Variants in DIPK2A observed in about 807,000 individuals in gnomAD.
The protein encoded by DIPK2A is Golgi Protein of 49 kDa.
A neutral mutation model predicts 39.0 loss-of-function variants in DIPK2A; 27 were observed. The observed-to-expected ratio is 0.69, with a 90% CI of 0.51 to 0.96. DIPK2A has a LOEUF of 0.96. Ranked by LOEUF, DIPK2A falls within the 40% of genes least tolerant of loss-of-function variation. DIPK2A has a pLI of 0.00. For missense variants in DIPK2A, 528 were observed against 571.3 expected, an observed-to-expected ratio of 0.92 and a Z score of 0.77; for synonymous variants, 298 against 240.8, an observed-to-expected ratio of 1.24 and a Z score of -2.20.
At chr3:143,982,911 A>AC (rs1191157004) in intron 1 of DIPK2A, among the ~76,000 whole-genome samples, 5 of 140,380 alleles carry the variant, frequency 3.6e-5, no homozygotes, top group Admixed American at 7.0e-5. Flanking sequence ...AAAAAAACAC[A>AC]AAAAAAACAA....
At chr3:143,986,382 A>C (rs1219086947) in intron 2 of DIPK2A, among the ~76,000 whole-genome samples, 1 of 152,108 alleles carries the variant, frequency 6.6e-6, no homozygotes, top group Non-Finnish European at 1.5e-5. Context: ...CTCTCCATTT[A>C]CTTTTGAGTT....
At chr3:143,985,317 C>A (rs954077371) in intron 1 of DIPK2A, among the ~76,000 whole-genome samples, 1 of 152,186 alleles carries the variant, frequency 6.6e-6, no homozygotes, top group African/African-American at 2.4e-5. Flanking sequence ...CAAGACTTGT[C>A]ATCCTATTTT....
Position 143,992,164 on chromosome 3 carries a change from A to G in DIPK2A, c.*2323A>G, listed in dbSNP as rs1015243595. On this transcript the variant is annotated 3_prime_UTR_variant, in exon 3 of 3. Coordinates refer to ENST00000315691, the MANE Select transcript of DIPK2A (RefSeq NM_173552.5). ...TATTTATTATATGGCAGCAATTTAT[A>G]TTTTTAATCATTGCCCATTAATAGA... 1 of 152,622 alleles carries G rather than the reference A, an allele frequency of 6.6e-6. No homozygotes were observed. The highest frequency in any genetic ancestry group is 2.4e-5 in the African/African-American group (1 of 41,458). The allele number at this position is 152,622 out of a possible 1,614,324, so 9.5% of individuals were successfully genotyped here. A position where few individuals can be genotyped will look rare whatever the true frequency, so the allele number is the denominator to read the frequency against.
rs2087685893 is a variant in DIPK2A, at chr3:143,973,347, A to C, written c.657+358A>C. On this transcript the variant is annotated intron_variant, in intron 1 of 2. Transcript: ENST00000315691. ...TCTGCTTTTATCTGCCGGGGCTTGC[A>C]GGTCCGCGGCGCAGACTGTTCACGA... 29 of 1,543,032 alleles carry C rather than the reference A, an allele frequency of 1.9e-5. No homozygotes were observed. In the South Asian group the frequency reaches 3.0e-4, roughly 16 times the overall value.
chr3:143,976,562 G>C lies in DIPK2A; in HGVS notation c.657+3573G>C, dbSNP rs868706525. Among the ~76,000 whole-genome samples, 3 of 136,330 alleles carry C rather than the reference G, an allele frequency of 2.2e-5. No individual in the cohort carries two copies. In the East Asian group the frequency reaches 6.3e-4, roughly 29 times the overall value. The allele number at this position is 136,330 out of a possible 152,430, so 89.4% of individuals were successfully genotyped here. On this transcript the variant is annotated intron_variant, in intron 1 of 2. Transcript: ENST00000315691. ...TGTGTGTGTGTGTGTGTGTGAGAGA[G>C]AGAGAGAGAGAGAGAGAGAGAGATG... is the stretch of plus-strand genomic sequence containing the variant.
chr3:143,980,269 A>ATGTG (rs989254676), intron 1 of DIPK2A, among the ~76,000 whole-genome samples: 111 of 92,604 alleles, frequency 1.2e-3, no homozygotes, highest in African/African-American at 0.011. Context: ...TTTCTTTCTT[A>ATGTG]TGTGTCTGTC....
In DIPK2A at chr3:143,972,237, C is replaced by G; in HGVS notation, c.-96C>G. On this transcript the variant is annotated 5_prime_UTR_variant, in exon 1 of 3. Transcript: ENST00000315691. Reference sequence around the variant, plus strand: ...CCCAGCCCGCGCGCTAGCTCCTTCTCTCGCCCGGGGTTCCTGCCGGTAGCT... The same window carrying G: ...CCCAGCCCGCGCGCTAGCTCCTTCTGTCGCCCGGGGTTCCTGCCGGTAGCT... The G allele has an allele frequency of 1.7e-6, 2 of 1,192,414 alleles. No homozygotes were observed. Among genetic ancestry groups the G allele is most frequent in the Admixed American group, 7.7e-5 (2 of 25,824 alleles). 73.9% of individuals were successfully genotyped at this position (1,192,414 alleles called of 1,614,324 possible).
At chr3:143,979,501 T>A (rs1017705551) in intron 1 of DIPK2A, among the ~76,000 whole-genome samples, 10 of 152,202 alleles carry the variant, frequency 6.6e-5, no homozygotes, top group African/African-American at 2.4e-4. Flanking sequence ...AGTGTCTTCG[T>A]ATTTTTTCTT....
intron 2 of DIPK2A, among the ~76,000 whole-genome samples, chr3:143,987,686 C>T (rs2087923301): frequency 6.6e-6 from 1 of 152,184 alleles, no homozygotes; most frequent in Non-Finnish European, 1.5e-5. Context: ...GTCCCACCTC[C>T]TTCCTTTAAT....
chr3:143,973,460 T>C (rs1317234865), intron 1 of DIPK2A: 1 of 1,551,462 alleles, frequency 6.4e-7, no homozygotes, highest in Non-Finnish European at 8.7e-7. Context: ...CTAACTTCGG[T>C]CTCAGAGTCT....
intron 2 of DIPK2A, among the ~76,000 whole-genome samples, chr3:143,987,897 G>A (rs924836790): frequency 6.6e-6 from 1 of 152,162 alleles, no homozygotes; most frequent in African/African-American, 2.4e-5. Context: ...AAGTGATTGT[G>A]ACTAGTATCA....
Position 143,972,445 on chromosome 3 carries a change from C to T in DIPK2A, c.113C>T (p.Ser38Phe), listed in dbSNP as rs756336668. The T allele has an allele frequency of 1.1e-5, 18 of 1,595,986 alleles. No individual in the cohort carries two copies. The highest frequency in any genetic ancestry group is 4.5e-5 in the South Asian group (4 of 88,744). ...MVLHSPSLLASWQRNELTDRR... is the reference protein window; with the variant it reads ...MVLHSPSLLAFWQRNELTDRR... Reference sequence around the variant, plus strand: ...CTGCACTCGCCGTCGCTGCTCGCCTCTTGGCAGCGCAACGAACTGACCGAC... The same window carrying T: ...CTGCACTCGCCGTCGCTGCTCGCCTTTTGGCAGCGCAACGAACTGACCGAC... Residue 38 changes from serine to phenylalanine, a missense_variant, in exon 1 of 3, where the codon TCT becomes TTT. By Grantham distance (155) the Ser-to-Phe change is radical (BLOSUM62 -2). This residue lies in a region of DIPK2A where 309 missense variants were observed against 289.8 expected (regional missense o/e 1.07). Coordinates refer to ENST00000315691, the MANE Select transcript of DIPK2A (RefSeq NM_173552.5).
At chr3:143,981,886 C>T (rs1479429864) in intron 1 of DIPK2A, among the ~76,000 whole-genome samples, 1 of 152,160 alleles carries the variant, frequency 6.6e-6, no homozygotes, top group South Asian at 2.1e-4. Flanking sequence ...TAACACTGTA[C>T]TAATAAGATT....
chr3:143,973,244 A>G (rs1217682758), intron 1 of DIPK2A: 6 of 1,173,640 alleles, frequency 5.1e-6, no homozygotes, highest in Admixed American at 2.0e-5. Context: ...GGATCTTTCA[A>G]CGCCAGAGGG....
At chr3:143,983,909 A>C (rs1280246716) in intron 1 of DIPK2A, among the ~76,000 whole-genome samples, 1 of 151,676 alleles carries the variant, frequency 6.6e-6, no homozygotes, top group Non-Finnish European at 1.5e-5. Context: ...TTTCATCTAC[A>C]TTGAAAATCT....
In DIPK2A at chr3:143,972,204, C is replaced by A; in HGVS notation, c.-129C>A. ...CTTCCTCTCTCACACACCTACTCCGCCCTCCGCCCCAGCCCGCGCGCTAGC... is the reference window on the plus strand; with the variant it reads ...CTTCCTCTCTCACACACCTACTCCGACCTCCGCCCCAGCCCGCGCGCTAGC... On this transcript the variant is annotated 5_prime_UTR_variant, in exon 1 of 3. Coordinates refer to ENST00000315691, the MANE Select transcript of DIPK2A (RefSeq NM_173552.5). The A allele has an allele frequency of 1.2e-6, 1 of 818,838 alleles. No homozygotes were observed. The highest frequency in any genetic ancestry group is 1.7e-6 in the Non-Finnish European group (1 of 582,198). 50.7% of individuals were successfully genotyped at this position (818,838 alleles called of 1,614,324 possible).
At chr3:143,982,341 C>A (rs2087838191) in intron 1 of DIPK2A, among the ~76,000 whole-genome samples, 1 of 152,048 alleles carries the variant, frequency 6.6e-6, no homozygotes, top group Non-Finnish European at 1.5e-5. Flanking sequence ...TGATGAATGT[C>A]TGGAATTGTT....
In DIPK2A at chr3:143,990,141, C is replaced by T. The variant is rs1419840824; in HGVS notation, c.*300C>T. 1 of 290,512 alleles carries T rather than the reference C, an allele frequency of 3.4e-6. No individual in the cohort carries two copies. Among genetic ancestry groups the T allele is most frequent in the East Asian group, 6.9e-5 (1 of 14,488 alleles). 18.0% of individuals were successfully genotyped at this position (290,512 alleles called of 1,614,324 possible). A position where few individuals can be genotyped will look rare whatever the true frequency, so the allele number is the denominator to read the frequency against. Reference sequence around the variant, plus strand: ...TATTGTTAAGCTATTGGAAATGAGTCTGATAGTACATTGGCTTGTGTATCA... The same window carrying T: ...TATTGTTAAGCTATTGGAAATGAGTTTGATAGTACATTGGCTTGTGTATCA... On this transcript the variant is annotated 3_prime_UTR_variant, in exon 3 of 3. Transcript: ENST00000315691.
chr3:143,974,951 G>C (rs2087708746), intron 1 of DIPK2A, among the ~76,000 whole-genome samples: 1 of 152,090 alleles, frequency 6.6e-6, no homozygotes. Flanking sequence ...AAGTGTGCGT[G>C]TATCTTGTTT....
Sources: gnomAD v4.1 joint callset for allele counts (sites outside exome capture counted in the v4.1 genomes callset) on GRCh38, gnomAD v4.1.1 for gene constraint, gnomAD v4.1.1 regional missense constraint, MANE v1.5 for transcripts, NCBI Gene and HGNC (gene_info 2026-07-23, HGNC 2026-07-21) for gene names.